The following ACBD3 variants were observed in gnomAD, a reference collection of about 807,000 sequenced individuals.
ACBD3 encodes acyl-CoA binding domain containing 3, also known as Golgi resident protein GCP60.
Under a neutral mutation model 66.9 loss-of-function variants are expected in ACBD3, and 30 were observed. The observed-to-expected ratio is 0.45, with a 90% CI of 0.34 to 0.61. The LOEUF is 0.61. Among genes scored for constraint, ACBD3 ranks in the 20% least tolerant of loss-of-function variants. The pLI is 0.02. For missense variants in ACBD3, 544 were observed against 664.5 expected (o/e 0.82, Z 1.99); for synonymous variants, 278 against 259.8 (o/e 1.07, Z -0.68).
chr1:226,146,773 A>G lies in ACBD3; in HGVS notation c.1424T>C (p.Leu475Ser). The G allele has an allele frequency of 6.2e-7, 1 of 1,614,170 alleles. No homozygotes were observed. Among genetic ancestry groups the G allele is most frequent in the Non-Finnish European group, 8.5e-7 (1 of 1,180,026 alleles). Residue 475 changes from leucine to serine, a missense_variant, in exon 8 of 8, where the codon TTG (leucine) becomes TCG (serine). Coordinates refer to ENST00000366812, the MANE Select transcript of ACBD3 (RefSeq NM_022735.4). ...EKAKKNANKPLLDEIVPVYRR... is the reference protein window; with the variant it reads ...EKAKKNANKPSLDEIVPVYRR... The stretch of plus-strand genomic sequence containing the variant: ...GTACACAGGCACAATCTCATCCAGC[A>G]AAGGCTTGTTGGCATTCTTTTTGGC...
At chr1:226,161,109 GT>G (rs1304014589) in intron 4 of ACBD3, among the ~76,000 whole-genome samples, 2 of 151,134 alleles carry the variant, frequency 1.3e-5, no homozygotes, top group Non-Finnish European at 2.9e-5. Context: ...CAATCTCTGG[GT>G]TCTGCAAGTG....
At chr1:226,175,471 A>C (rs2102788354) in intron 1 of ACBD3, among the ~76,000 whole-genome samples, 1 of 152,362 alleles carries the variant, frequency 6.6e-6, no homozygotes, top group East Asian at 1.9e-4. Flanking sequence ...AGGACATTTA[A>C]GATAGATGTC....
Position 226,152,621 on chromosome 1 carries a change from T to G in ACBD3, c.1091-2A>C. ...GAGCTGCTATTACTGGAAGAGATTCTAAAGGCAATAGGTATTAAAAAGCTA... is the reference window on the plus strand; with the variant it reads ...GAGCTGCTATTACTGGAAGAGATTCGAAAGGCAATAGGTATTAAAAAGCTA... On this transcript the variant is annotated splice_acceptor_variant, in intron 6 of 7. Coordinates refer to ENST00000366812, the MANE Select transcript of ACBD3 (RefSeq NM_022735.4). LOFTEE classifies it high-confidence loss of function. 1 of 1,613,308 alleles carries G rather than the reference T, an allele frequency of 6.2e-7. No individual in the cohort carries two copies. Among genetic ancestry groups the G allele is most frequent in the Non-Finnish European group, 8.5e-7 (1 of 1,179,544 alleles).
intron 1 of ACBD3, among the ~76,000 whole-genome samples, chr1:226,178,296 C>T (rs550893679): frequency 2.0e-5 from 3 of 151,974 alleles, no homozygotes; most frequent in Admixed American, 2.0e-4. Flanking sequence ...AGGGGCTGGG[C>T]GCAGTGGCTC....
chr1:226,161,050 C>G (rs1471624189), intron 4 of ACBD3, among the ~76,000 whole-genome samples: 4 of 152,006 alleles, frequency 2.6e-5, no homozygotes, highest in Non-Finnish European at 5.9e-5. Flanking sequence ...CTGAGAGAAG[C>G]AGAGACAAGA....
chr1:226,172,977 C>A (rs935376526), intron 1 of ACBD3, among the ~76,000 whole-genome samples: 8 of 151,500 alleles, frequency 5.3e-5, no homozygotes, highest in African/African-American at 1.9e-4. Flanking sequence ...AACAAACAAA[C>A]AAACCCAGCT....
intron 7 of ACBD3, among the ~76,000 whole-genome samples, chr1:226,149,490 G>C (rs1260047348): frequency 7.5e-6 from 1 of 132,968 alleles, no homozygotes; most frequent in Non-Finnish European, 1.5e-5. Flanking sequence ...GGCTCCCAAA[G>C]TGCTGGGATT....
At chr1:226,155,434 A>G (rs905221352) in intron 5 of ACBD3, among the ~76,000 whole-genome samples, 12 of 147,412 alleles carry the variant, frequency 8.1e-5, no homozygotes, top group African/African-American at 3.0e-4. Flanking sequence ...AAAAAAAAAA[A>G]GTAGAAATAA....
At chr1:226,149,529 CT>C (rs1170130229) in intron 7 of ACBD3, among the ~76,000 whole-genome samples, 605 of 29,546 alleles carry the variant, frequency 0.02, 10 homozygotes, top group East Asian at 0.063. Context: ...GCCCAGCCAT[CT>C]TTTTTTTTTT....
At chr1:226,185,427 A>G (rs184004544) in intron 1 of ACBD3, among the ~76,000 whole-genome samples, 163 of 152,356 alleles carry the variant, frequency 1.1e-3, no homozygotes, top group Admixed American at 2.7e-3. Flanking sequence ...TGTCATAAAT[A>G]TGCTGCTCTG....
intron 1 of ACBD3, among the ~76,000 whole-genome samples, chr1:226,167,855 A>G (rs778991953): frequency 1.3e-5 from 2 of 152,200 alleles, no homozygotes; most frequent in African/African-American, 2.4e-5. Flanking sequence ...AAGAAATATA[A>G]ATTAAAAGCA....
chr1:226,146,589 C>T lies in ACBD3; in HGVS notation c.*21G>A, dbSNP rs41304002. On this transcript the variant is annotated 3_prime_UTR_variant, in exon 8 of 8. Transcript: ENST00000366812. ...GTCATCTTCTGCCCAACCCTAGACT[C>T]CAGACTTTGTAACAACATTTTTATC... 6.9e-3 allele frequency: 11,098 copies of T among 1,605,550 alleles called. 46 individuals are homozygous for T. The highest frequency in any genetic ancestry group is 8.3e-3 in the Non-Finnish European group (9,742 of 1,172,878).
At chr1:226,156,215 A>G (rs1023758746) in intron 5 of ACBD3, among the ~76,000 whole-genome samples, 10 of 152,250 alleles carry the variant, frequency 6.6e-5, no homozygotes, top group African/African-American at 2.2e-4. Context: ...TATTTGACTT[A>G]TAACACTATA....
Position 226,152,501 on chromosome 1 carries a change from G to A in ACBD3, c.1209C>T (p.Val403=). The A allele has an allele frequency of 6.2e-7, 1 of 1,614,158 alleles. No homozygotes were observed. The highest frequency in any genetic ancestry group is 8.5e-7 in the Non-Finnish European group (1 of 1,180,034). The part of the protein sequence containing the change: ...SVITVGRGEV[V]TVRVPTHEEG... Reference sequence around the variant, plus strand: ...CTTCATGGGTGGGTACTCGAACAGTGACCACTTCTCCTCGGCCCACTGTAA... The same window carrying A: ...CTTCATGGGTGGGTACTCGAACAGTAACCACTTCTCCTCGGCCCACTGTAA... The change falls in exon 7 of 8, where the codon GTC becomes GTT. Residue 403 remains valine, a synonymous_variant. Transcript: ENST00000366812.
chr1:226,167,667 G>A (rs961347498), intron 1 of ACBD3, among the ~76,000 whole-genome samples: 56 of 152,268 alleles, frequency 3.7e-4, no homozygotes, highest in Non-Finnish European at 2.9e-5. Flanking sequence ...TAAAGAAAAC[G>A]GGGAGGGCAC....
intron 1 of ACBD3, among the ~76,000 whole-genome samples, chr1:226,174,228 C>G (rs1285160927): frequency 1.3e-5 from 2 of 152,132 alleles, no homozygotes; most frequent in South Asian, 4.1e-4. Flanking sequence ...TCAGTCCTCC[C>G]AGAAGGGAAC....
In ACBD3 at chr1:226,186,708, A is replaced by T; in HGVS notation, c.-33T>A. The T allele has an allele frequency of 6.9e-7, 1 of 1,445,802 alleles. No homozygotes were observed. The highest frequency in any genetic ancestry group is 2.3e-4 in the Middle Eastern group (1 of 4,320). The allele number at this position is 1,445,802 out of a possible 1,614,324, so 89.6% of individuals were successfully genotyped here. On this transcript the variant is annotated 5_prime_UTR_variant, in exon 1 of 8. Coordinates refer to ENST00000366812, the MANE Select transcript of ACBD3 (RefSeq NM_022735.4). ...TGCTGCACCTCCTCAGCGGGGACAG[A>T]CGGCAGCCACGTATCGACTTCCTGC...
intron 1 of ACBD3, among the ~76,000 whole-genome samples, chr1:226,173,142 G>A (rs1003921858): frequency 6.6e-6 from 1 of 152,046 alleles, no homozygotes; most frequent in Non-Finnish European, 1.5e-5. Context: ...GCATGGTGGC[G>A]TGTACCACAG....
intron 2 of ACBD3, among the ~76,000 whole-genome samples, chr1:226,165,319 T>C (rs1326352955): frequency 3.3e-5 from 5 of 152,064 alleles, no homozygotes; most frequent in African/African-American, 1.2e-4. Context: ...TACAGGCATG[T>C]GCCACTACCG....
Sources: gnomAD v4.1 joint callset for allele counts (sites outside exome capture counted in the v4.1 genomes callset) on GRCh38, gnomAD v4.1.1 for gene constraint, MANE v1.5 for transcripts, NCBI Gene and HGNC (gene_info 2026-07-23, HGNC 2026-07-21) for gene names.